Variants in DCSTAMP observed in about 807,000 individuals in gnomAD.
DCSTAMP encodes dendrocyte expressed seven transmembrane protein.
Under a neutral mutation model 33.8 loss-of-function variants are expected in DCSTAMP, and 25 were observed. The observed-to-expected ratio is 0.74, with a 90% confidence interval of 0.54 to 1.03. DCSTAMP has a LOEUF of 1.03. DCSTAMP is among the 50% of genes least tolerant of loss of function. The pLI is 0.00. For synonymous variants in DCSTAMP, 245 were observed against 216.7 expected, an observed-to-expected ratio of 1.13 and a Z score of -1.15; for missense variants, 531 against 556.8, an observed-to-expected ratio of 0.95 and a Z score of 0.47.
chr8:104,348,731 C>G lies in DCSTAMP; in HGVS notation c.179C>G (p.Ala60Gly), dbSNP rs138578884. The G allele has an allele frequency of 9.9e-6, 16 of 1,614,020 alleles. No individual in the cohort carries two copies. In the African/African-American group the frequency reaches 2.1e-4, roughly 22 times the overall value. Residue 60 changes from alanine to glycine, a missense_variant, in exon 2 of 4, where the codon GCG becomes GGG. Transcript: ENST00000297581. The stretch of plus-strand genomic sequence containing the variant: ...TGCTGGTTTCTGCCATCAATCATAG[C>G]GGCCGCTGCCTCCTGGATTATCACG... ...AACWFLPSII[A>G]AAASWIITCV... is the part of the protein sequence containing the mutation.
At chr8:104,352,835 C>T (rs1810503263) in intron 2 of DCSTAMP, among the ~76,000 whole-genome samples, 1 of 152,136 alleles carries the variant, frequency 6.6e-6, no homozygotes, top group South Asian at 2.1e-4. Flanking sequence ...GAGCGCTTCT[C>T]AAACTCTCTC....
intron 2 of DCSTAMP, among the ~76,000 whole-genome samples, chr8:104,353,506 G>C: frequency 6.6e-6 from 1 of 152,230 alleles, no homozygotes; most frequent in East Asian, 1.9e-4. Context: ...CGATATGTTT[G>C]TTTCTTCAAT....
In DCSTAMP at chr8:104,349,269, T is replaced by G. The variant is rs1810400373; in HGVS notation, c.717T>G (p.Gly239=). The G allele has an allele frequency of 6.2e-7, 1 of 1,614,186 alleles. No homozygotes were observed. The highest frequency in any genetic ancestry group is 2.2e-5 in the East Asian group (1 of 44,880). The change falls in exon 2 of 4, where the codon GGT becomes GGG. Residue 239 remains glycine (G), a synonymous_variant. Transcript: ENST00000297581. Reference sequence around the variant, plus strand: ...TGAAGCGATTTTTGGGCCCTTGTGGTTGGAAGTATGAAAACATCTACATCA... The same window carrying G: ...TGAAGCGATTTTTGGGCCCTTGTGGGTGGAAGTATGAAAACATCTACATCA... ...LFMKRFLGPC[G]WKYENIYITR...
chr8:104,348,545 C>T lies in DCSTAMP; in HGVS notation c.-8C>T. On this transcript the variant is annotated 5_prime_UTR_variant, in exon 2 of 4. Transcript: ENST00000297581. ...TGGTTTCTTTTTCATTTTCAGGACG[C>T]AGGGAGCATGGGTATCTGGACCTCA... is the stretch of plus-strand genomic sequence containing the variant. The T allele has an allele frequency of 1.2e-6, 2 of 1,604,944 alleles. No homozygotes were observed. The highest frequency in any genetic ancestry group is 1.7e-6 in the Non-Finnish European group (2 of 1,175,732).
At chr8:104,351,517 C>T (rs1564066966) in intron 2 of DCSTAMP, among the ~76,000 whole-genome samples, 1 of 152,212 alleles carries the variant, frequency 6.6e-6, no homozygotes, top group Non-Finnish European at 1.5e-5. Context: ...GCTCCATAGG[C>T]AGAGAAAGAC....
chr8:104,354,939 C>G lies in DCSTAMP; in HGVS notation c.1092C>G (p.Asn364Lys). The change falls in exon 3 of 4, where the codon AAC (asparagine) becomes AAG (lysine). Residue 364 changes from asparagine (N) to lysine (K), a missense_variant. Physicochemically the swap from Asn to Lys is moderately conservative, Grantham distance 94 (BLOSUM62 0). Coordinates refer to ENST00000297581, the MANE Select transcript of DCSTAMP (RefSeq NM_030788.4). ...TTAATATATCTGTGTTTGAACCCAA[C>G]TGTATCCCAAAACCAAAATTCCTTC... ...SSFNISVFEP[N>K]CIPKPKFLLS... 6.2e-7 allele frequency: 1 copy of G among 1,612,728 alleles called. No individual in the cohort carries two copies. The highest frequency in any genetic ancestry group is 8.5e-7 in the Non-Finnish European group (1 of 1,178,686).
chr8:104,348,669 T>G lies in DCSTAMP; in HGVS notation c.117T>G (p.Val39=). 1 of 1,614,204 alleles carries G rather than the reference T, an allele frequency of 6.2e-7. No homozygotes were observed. The highest frequency in any genetic ancestry group is 8.5e-7 in the Non-Finnish European group (1 of 1,180,034). The part of the protein sequence containing the change: ...FIQHLGVCCL[V]ALISVGLLSV... ...AGCATTTGGGAGTTTGCTGTTTGGT[T>G]GCTCTTATTTCAGTGGGCCTCCTGT... is the stretch of plus-strand genomic sequence containing the variant. Residue 39 remains valine, a synonymous_variant, in exon 2 of 4, where the codon GTT becomes GTG. Transcript: ENST00000297581.
intron 1 of DCSTAMP, among the ~76,000 whole-genome samples, chr8:104,346,313 G>A (rs1463341213): frequency 6.6e-6 from 1 of 152,244 alleles, no homozygotes; most frequent in Non-Finnish European, 1.5e-5. Flanking sequence ...AGAGGCCACA[G>A]CTCCTGACTT....
In DCSTAMP at chr8:104,349,448, C is replaced by A. The variant is rs2140473985; in HGVS notation, c.896C>A (p.Pro299His). ...AAAAACCTGGGGCTGTTTTTCCTCC[C>A]CATACTTATCCATCTCTGCATCTGG... ...ERKNLGLFFLPILIHLCIWVL... is the reference protein window; with the variant it reads ...ERKNLGLFFLHILIHLCIWVL... Residue 299 changes from proline to histidine, a missense_variant, in exon 2 of 4, where the codon CCC (proline) becomes CAC (histidine). Transcript: ENST00000297581. The A allele has an allele frequency of 1.2e-6, 2 of 1,614,174 alleles. No individual in the cohort carries two copies. The highest frequency in any genetic ancestry group is 8.5e-7 in the Non-Finnish European group (1 of 1,180,040).
intron 2 of DCSTAMP, among the ~76,000 whole-genome samples, chr8:104,351,734 C>T (rs1337046836): frequency 6.6e-6 from 1 of 152,082 alleles, no homozygotes; most frequent in Non-Finnish European, 1.5e-5. Flanking sequence ...GGTAGGAGTG[C>T]CTTATGCAAA....
At chr8:104,349,638 C>A in intron 2 of DCSTAMP, 57 bp downstream of exon 2, 1 of 1,543,710 alleles carries the variant, frequency 6.5e-7, no homozygotes, top group Non-Finnish European at 8.7e-7. Context: ...GTCTGTCTTG[C>A]AAAAGATCAT....
rs192958325 is a variant in DCSTAMP, at chr8:104,346,816, C to T, written c.-12-1725C>T. 9.2e-5 allele frequency among the ~76,000 whole-genome samples: 14 copies of T among 152,318 alleles called. No homozygotes were observed. In the East Asian group the frequency reaches 9.6e-4, roughly 10 times the overall value. Reference sequence around the variant, plus strand: ...ATTTCTGCCCTTCGTTAACCTCATTCGGCCTGAACACAGAAAGAATAATTT... The same window carrying T: ...ATTTCTGCCCTTCGTTAACCTCATTTGGCCTGAACACAGAAAGAATAATTT... On this transcript the variant is annotated intron_variant, in intron 1 of 3. Transcript: ENST00000297581.
chr8:104,351,222 G>C (rs1291604710), intron 2 of DCSTAMP, among the ~76,000 whole-genome samples: 1 of 152,184 alleles, frequency 6.6e-6, no homozygotes, highest in African/African-American at 2.4e-5. Context: ...TGACATTTCA[G>C]AGGATCTGGA....
In DCSTAMP at chr8:104,349,381, T is replaced by C. The variant is rs545046616; in HGVS notation, c.829T>C (p.Tyr277His). 5.0e-6 allele frequency: 8 copies of C among 1,614,144 alleles called. No individual in the cohort carries two copies. The highest frequency in any genetic ancestry group is 3.3e-4 in the Middle Eastern group (2 of 6,062). The change falls in exon 2 of 4, where the codon TAT (tyrosine) becomes CAT (histidine). Residue 277 changes from tyrosine to histidine, a missense_variant. Coordinates refer to ENST00000297581, the MANE Select transcript of DCSTAMP (RefSeq NM_030788.4). ...LPLNKEERRK[Y>H]VIIPTFWPTP... is the part of the protein sequence containing the mutation. ...GCTGAATAAGGAGGAAAGGAGGAAG[T>C]ATGTCATCATCCCGACTTTCTGGCC...
intron 2 of DCSTAMP, among the ~76,000 whole-genome samples, chr8:104,354,335 C>T (rs1186053210): frequency 6.6e-6 from 1 of 152,126 alleles, no homozygotes; most frequent in Non-Finnish European, 1.5e-5. Flanking sequence ...TCTCTGTGAC[C>T]TTGTGGTCTG....
At chr8:104,351,202 GT>G (rs76370308) in intron 2 of DCSTAMP, among the ~76,000 whole-genome samples, 17,903 of 152,196 alleles carry the variant, frequency 0.12, 1,129 homozygotes, top group Admixed American at 0.16. Context: ...GTGGATATTT[GT>G]GCTTATGCTG....
chr8:104,341,696 G>A (rs1417371118), intron 1 of DCSTAMP, among the ~76,000 whole-genome samples: 1 of 152,160 alleles, frequency 6.6e-6, no homozygotes, highest in Admixed American at 6.5e-5. Flanking sequence ...CTCAAATCAG[G>A]GCTCTTCATC....
At chr8:104,342,330 G>A (rs975084446) in intron 1 of DCSTAMP, among the ~76,000 whole-genome samples, 2 of 152,206 alleles carry the variant, frequency 1.3e-5, no homozygotes, top group African/African-American at 4.8e-5. Flanking sequence ...CTCACAATCC[G>A]TGGCCAAAAT....
At chr8:104,347,565 T>G (rs779555143) in intron 1 of DCSTAMP, among the ~76,000 whole-genome samples, 3 of 152,226 alleles carry the variant, frequency 2.0e-5, no homozygotes, top group Non-Finnish European at 2.9e-5. Context: ...AGCAGACCAG[T>G]ACAGAATTCA....
Sources: gnomAD v4.1 joint callset for allele counts (sites outside exome capture counted in the v4.1 genomes callset) on GRCh38, gnomAD v4.1.1 for gene constraint, MANE v1.5 for transcripts, NCBI Gene and HGNC (gene_info 2026-07-23, HGNC 2026-07-21) for gene names.